The following RAPGEF5 variants were observed in gnomAD, a reference collection of about 807,000 sequenced individuals.
The protein encoded by RAPGEF5 is M-Ras-regulated GEF.
Under a neutral mutation model 125.2 loss-of-function variants are expected in RAPGEF5, and 65 were observed. The observed-to-expected ratio is 0.52, with a 90% confidence interval of 0.43 to 0.64. The LOEUF is 0.64. Among genes scored for constraint, RAPGEF5 ranks in the 30% least tolerant of loss-of-function variants. The pLI, the probability that RAPGEF5 is intolerant of heterozygous loss-of-function variation, is 0.00. For synonymous variants in RAPGEF5, 391 were observed against 385.9 expected, an observed-to-expected ratio of 1.01 and a Z score of -0.16; for missense variants, 958 against 1,048.1, an observed-to-expected ratio of 0.91 and a Z score of 1.19.
At chr7:22,352,001 C>T (rs549407684) in intron 1 of RAPGEF5, among the ~76,000 whole-genome samples, 13 of 152,144 alleles carry the variant, frequency 8.5e-5, no homozygotes, top group Non-Finnish European at 1.9e-4. Context: ...CCATAAGAAC[C>T]CTGGCTAGTG....
At position 22,147,033 on chromosome 7, in the gene RAPGEF5, A is replaced by G; in HGVS notation, c.1885-14T>C. Reference sequence around the variant, plus strand: ...TGCAAATGGGTTCTAAACCAACAGAAGCAAAAAGATCCTCAGTAATTCCCA... The same window carrying G: ...TGCAAATGGGTTCTAAACCAACAGAGGCAAAAAGATCCTCAGTAATTCCCA... On this transcript the variant is annotated splice_polypyrimidine_tract_variant and intron_variant, in intron 18 of 25. Transcript: ENST00000665637. 6.2e-7 allele frequency: 1 copy of G among 1,610,206 alleles called. No individual in the cohort carries two copies. Among genetic ancestry groups the G allele is most frequent in the Non-Finnish European group, 8.5e-7 (1 of 1,178,880 alleles).
intron 6 of RAPGEF5, among the ~76,000 whole-genome samples, chr7:22,278,757 T>C (rs1014983383): frequency 1.5e-4 from 23 of 150,050 alleles, no homozygotes; most frequent in Admixed American, 1.3e-3. Context: ...CTTAATCCTC[T>C]ACACAGAGTA....
intron 5 of RAPGEF5, among the ~76,000 whole-genome samples, chr7:22,301,614 C>CA (rs35404390): frequency 0.05 from 4,145 of 83,486 alleles, 158 homozygotes; most frequent in African/African-American, 0.11. Flanking sequence ...GACTCTGTCT[C>CA]AAAAAAAAAA....
At chr7:22,295,592 C>T (rs1046729982) in intron 5 of RAPGEF5, among the ~76,000 whole-genome samples, 3 of 152,132 alleles carry the variant, frequency 2.0e-5, no homozygotes, top group African/African-American at 7.2e-5. Context: ...TTTTGAAGGA[C>T]TTAGTGTTTC....
intron 9 of RAPGEF5, among the ~76,000 whole-genome samples, chr7:22,217,977 T>A (rs76949659): frequency 3.3e-5 from 5 of 152,102 alleles, no homozygotes; most frequent in African/African-American, 7.2e-5. Flanking sequence ...CTTTTTTTTT[T>A]AATTATACTT....
At chr7:22,159,676 G>C (rs1339212279) in intron 14 of RAPGEF5, among the ~76,000 whole-genome samples, 1 of 152,174 alleles carries the variant, frequency 6.6e-6, no homozygotes, top group Non-Finnish European at 1.5e-5. Context: ...CAGTAAAGTT[G>C]GGTGTTGCCA....
At position 22,230,908 on chromosome 7, in the gene RAPGEF5, C is replaced by T. The variant is rs565275827; in HGVS notation, c.808G>A (p.Asp270Asn). 2.5e-4 allele frequency: 387 copies of T among 1,560,290 alleles called. No homozygotes were observed. The Middle Eastern group carries it at 5.2e-3, about 21-fold the overall frequency. Residue 270 changes from aspartate (D) to asparagine (N), a missense_variant, in exon 8 of 26, where the codon GAT (aspartate) becomes AAT (asparagine). Coordinates refer to ENST00000665637, the MANE Select transcript of RAPGEF5 (RefSeq NM_012294.5). ...LKARKSAIEQ[D>N]EENNDKHVAV... is the part of the protein sequence containing the mutation. ...ACATGTTTGTCGTTGTTTTCTTCAT[C>T]TTGTTCAATTGCTTAAAAAAAAGAA...
intron 6 of RAPGEF5, among the ~76,000 whole-genome samples, chr7:22,281,610 A>G (rs1194140654): frequency 6.6e-6 from 1 of 152,160 alleles, no homozygotes; most frequent in East Asian, 1.9e-4. Context: ...TAACTGTAAT[A>G]CTTCCTCATT....
intron 1 of RAPGEF5, among the ~76,000 whole-genome samples, chr7:22,327,564 G>A (rs146223978): frequency 2.0e-5 from 3 of 152,232 alleles, no homozygotes; most frequent in South Asian, 4.1e-4. Context: ...CTCTCCTCCC[G>A]GGAGGCAGCC....
intron 20 of RAPGEF5, 79 bp downstream of exon 20, chr7:22,144,965 C>A: frequency 6.8e-7 from 1 of 1,471,028 alleles, no homozygotes. Context: ...CCCTTATCAT[C>A]ATAAGAAAGA....
At chr7:22,245,780 T>A (rs1474837662) in intron 7 of RAPGEF5, among the ~76,000 whole-genome samples, 1 of 151,950 alleles carries the variant, frequency 6.6e-6, no homozygotes, top group East Asian at 1.9e-4. Context: ...GAGAAAGAAA[T>A]AAAAGGCATC....
chr7:22,268,565 G>A (rs77291939), intron 6 of RAPGEF5, among the ~76,000 whole-genome samples: 3,601 of 152,232 alleles, frequency 0.024, 61 homozygotes, highest in Non-Finnish European at 0.038. Context: ...CAAATATTTG[G>A]AGTTGGGACA....
At chr7:22,262,007 C>A (rs1354574707) in intron 7 of RAPGEF5, among the ~76,000 whole-genome samples, 3 of 152,116 alleles carry the variant, frequency 2.0e-5, no homozygotes, top group Non-Finnish European at 2.9e-5. Context: ...GTAAATAGTT[C>A]TTTGATTTAA....
chr7:22,336,401 AG>A (rs1413873052), intron 1 of RAPGEF5, among the ~76,000 whole-genome samples: 7 of 152,238 alleles, frequency 4.6e-5, no homozygotes, highest in Non-Finnish European at 1.0e-4. Flanking sequence ...ATTATGAAGA[AG>A]GGTCCTTTAT....
chr7:22,289,803 T>G (rs572554160), intron 6 of RAPGEF5, among the ~76,000 whole-genome samples: 1 of 152,316 alleles, frequency 6.6e-6, no homozygotes, highest in South Asian at 2.1e-4. Flanking sequence ...GGGGGCAGTT[T>G]CCCATGCTGT....
intron 9 of RAPGEF5, among the ~76,000 whole-genome samples, chr7:22,198,827 T>C (rs1038447661): frequency 6.6e-6 from 1 of 152,140 alleles, no homozygotes; most frequent in African/African-American, 2.4e-5. Context: ...GCTATGAAAA[T>C]TCCCATTTTA....
chr7:22,193,590 G>A, intron 10 of RAPGEF5, 135 bp from the exon 11 acceptor site: 1 of 1,551,218 alleles, frequency 6.4e-7, no homozygotes, highest in Admixed American at 2.0e-5. Context: ...GCAGCTCTCG[G>A]TCTGAGAGCG....
At chr7:22,347,356 A>G (rs753723727) in intron 1 of RAPGEF5, among the ~76,000 whole-genome samples, 2 of 152,152 alleles carry the variant, frequency 1.3e-5, no homozygotes, top group Non-Finnish European at 2.9e-5. Context: ...TAAAGCTGTG[A>G]TTTACTATGA....
chr7:22,299,853 T>G (rs1293998121), intron 5 of RAPGEF5, among the ~76,000 whole-genome samples: 5 of 151,984 alleles, frequency 3.3e-5, no homozygotes, highest in African/African-American at 1.2e-4. Flanking sequence ...AACCTCTAAT[T>G]ATTTGAATCA....
Sources: allele counts gnomAD v4.1 joint callset (sites outside exome capture counted in the v4.1 genomes callset), GRCh38; gene constraint gnomAD v4.1.1; transcripts MANE v1.5; gene names NCBI Gene and HGNC (gene_info 2026-07-23, HGNC 2026-07-21).